The following KAT14 variants were observed in gnomAD, a reference collection of about 807,000 sequenced individuals.
The protein encoded by KAT14 is cysteine-rich protein 2-binding protein.
In KAT14, 66 loss-of-function variants were observed where a neutral mutation model predicts 78.4. The ratio of observed to expected loss-of-function variants is 0.84; its 90% CI spans 0.69 to 1.03. The LOEUF (loss-of-function observed/expected upper bound fraction) is 1.03, where lower values mean the gene tolerates loss of function less well. Ranked by LOEUF, KAT14 falls within the 50% of genes least tolerant of loss-of-function variation. KAT14 has a pLI of 0.00. For missense variants in KAT14, 870 were observed against 972.5 expected (o/e 0.89, Z 1.40); for synonymous variants, 344 against 359.4 (o/e 0.96, Z 0.48).
chr20:18,161,215 G>A (rs984753330), intron 5 of KAT14, among the ~76,000 whole-genome samples: 2 of 149,314 alleles, frequency 1.3e-5, no homozygotes, highest in Admixed American at 6.7e-5. Context: ...CCATGAAAAT[G>A]CCCATTTCCC....
chr20:18,162,972 C>A, intron 7 of KAT14, 27 bp downstream of exon 7: 2 of 1,604,802 alleles, frequency 1.2e-6, no homozygotes, highest in Non-Finnish European at 1.7e-6. Flanking sequence ...GCTGTAAAGC[C>A]CTTGGGGGCA....
chr20:18,141,964 A>G (rs1169857210), intron 1 of KAT14, among the ~76,000 whole-genome samples: 1 of 152,176 alleles, frequency 6.6e-6, no homozygotes, highest in East Asian at 1.9e-4. Flanking sequence ...TCTGTACTAA[A>G]TGTTCAGGAA....
intron 1 of KAT14, among the ~76,000 whole-genome samples, chr20:18,140,670 G>A (rs2146324921): frequency 6.6e-6 from 1 of 151,878 alleles, no homozygotes; most frequent in Non-Finnish European, 1.5e-5. Context: ...AAATTAGCCA[G>A]GCCTGGTGGC....
chr20:18,145,642 A>G (rs562116492), intron 3 of KAT14, among the ~76,000 whole-genome samples: 4 of 152,218 alleles, frequency 2.6e-5, no homozygotes, highest in Middle Eastern at 3.4e-3. Flanking sequence ...TTAGCTGGCT[A>G]TGGTGGTGGG....
Position 18,142,796 on chromosome 20 carries a change from G to C in KAT14, c.136G>C (p.Ala46Pro), listed in dbSNP as rs1568662223. 6.2e-7 allele frequency: 1 copy of C among 1,614,212 alleles called. No homozygotes were observed. Among genetic ancestry groups the C allele is most frequent in the Non-Finnish European group, 8.5e-7 (1 of 1,180,050 alleles). ...TLLIVESEDQASVDLSHDQSG... is the reference protein window; with the variant it reads ...TLLIVESEDQPSVDLSHDQSG... ...CCTGATCGTCGAATCCGAGGATCAGGCATCAGTGGACTTATCGCACGACCA... is the reference window on the plus strand; with the variant it reads ...CCTGATCGTCGAATCCGAGGATCAGCCATCAGTGGACTTATCGCACGACCA... Residue 46 changes from alanine to proline, a missense_variant, in exon 2 of 11, where the codon GCA (alanine) becomes CCA (proline). By Grantham distance (27) the Ala-to-Pro change is conservative. Transcript: ENST00000688188.
At chr20:18,165,156 T>G (rs2038594372) in intron 7 of KAT14, among the ~76,000 whole-genome samples, 1 of 152,202 alleles carries the variant, frequency 6.6e-6, no homozygotes, top group Admixed American at 6.5e-5. Context: ...CCACTTTGAC[T>G]TACAGTGTTA....
In KAT14 at chr20:18,161,852, A is replaced by G; in HGVS notation, c.712A>G (p.Thr238Ala). The G allele has an allele frequency of 6.2e-7, 1 of 1,614,012 alleles. No homozygotes were observed. Among genetic ancestry groups the G allele is most frequent in the Non-Finnish European group, 8.5e-7 (1 of 1,179,994 alleles). ...AAAACCAACTTTAGATCCCATCATTACTGTTGAGGGACTTAGAAAACGAGC... is the reference window on the plus strand; with the variant it reads ...AAAACCAACTTTAGATCCCATCATTGCTGTTGAGGGACTTAGAAAACGAGC... ...ASKPTLDPII[T>A]VEGLRKRASR... is the part of the protein sequence containing the mutation. The change falls in exon 6 of 11, where the codon ACT becomes GCT. Residue 238 changes from threonine to alanine, a missense_variant. By Grantham distance (58) the Thr-to-Ala change is moderately conservative. Coordinates refer to ENST00000688188, the MANE Select transcript of KAT14 (RefSeq NM_001392073.1).
chr20:18,144,389 C>T (rs2037738322), intron 2 of KAT14, among the ~76,000 whole-genome samples: 1 of 152,198 alleles, frequency 6.6e-6, no homozygotes, highest in African/African-American at 2.4e-5. Context: ...TCCCACACAA[C>T]TTTGCAGTTA....
intron 9 of KAT14, 63 bp downstream of exon 9, chr20:18,183,361 A>T: frequency 6.7e-7 from 1 of 1,488,994 alleles, no homozygotes; most frequent in Non-Finnish European, 8.9e-7. Context: ...AGCAATTTTT[A>T]AAATTAGTTT....
At chr20:18,148,208 C>T (rs568469640) in intron 3 of KAT14, among the ~76,000 whole-genome samples, 3 of 152,286 alleles carry the variant, frequency 2.0e-5, no homozygotes, top group South Asian at 4.1e-4. Flanking sequence ...ATGCTTGTAA[C>T]ACAAATAGCA....
intron 9 of KAT14, 55 bp from the exon 10 acceptor site, chr20:18,184,547 T>C (rs1367845094): frequency 1.9e-6 from 3 of 1,540,760 alleles, no homozygotes; most frequent in East Asian, 4.6e-5. Context: ...CAGCTTGGTG[T>C]TCCTTAATTC....
In KAT14 at chr20:18,184,315, G is replaced by A. The variant is rs557943668; in HGVS notation, c.1982-287G>A. Reference sequence around the variant, plus strand: ...AATGTGCCAAGCCACACATGGTAGAGGAGGCTGAGTTCAAAGCCAGCTGTG... The same window carrying A: ...AATGTGCCAAGCCACACATGGTAGAAGAGGCTGAGTTCAAAGCCAGCTGTG... On this transcript the variant is annotated intron_variant, in intron 9 of 10. Coordinates refer to ENST00000688188, the MANE Select transcript of KAT14 (RefSeq NM_001392073.1). Among the ~76,000 whole-genome samples, 4 of 152,216 alleles carry A rather than the reference G, an allele frequency of 2.6e-5. No individual in the cohort carries two copies. The South Asian group carries it at 6.2e-4, about 24-fold the overall frequency.
At chr20:18,164,776 T>C (rs1025632249) in intron 7 of KAT14, among the ~76,000 whole-genome samples, 2 of 151,728 alleles carry the variant, frequency 1.3e-5, no homozygotes, top group African/African-American at 4.8e-5. Flanking sequence ...ACTACCACAC[T>C]CAGCTAATTT....
chr20:18,163,215 G>GTC (rs748767069), intron 7 of KAT14, among the ~76,000 whole-genome samples: 67 of 152,012 alleles, frequency 4.4e-4, no homozygotes, highest in African/African-American at 1.4e-3. Context: ...TGTCTCTCTT[G>GTC]TCTCTCTCTC....
chr20:18,145,125 A>T, intron 2 of KAT14, 108 bp from the exon 3 acceptor site: 1 of 1,446,426 alleles, frequency 6.9e-7, no homozygotes, highest in Non-Finnish European at 9.1e-7. Flanking sequence ...TTGGCTGAAG[A>T]AAAGAAGACA....
chr20:18,141,455 G>C (rs1395358025), intron 1 of KAT14, among the ~76,000 whole-genome samples: 1 of 152,108 alleles, frequency 6.6e-6, no homozygotes, highest in Non-Finnish European at 1.5e-5. Context: ...AAGCCAAGTT[G>C]AGATTTTAGT....
Position 18,150,849 on chromosome 20 carries a change from C to A in KAT14, c.407C>A (p.Ser136Tyr). The part of the protein sequence containing the change: ...QVVMLAMYNL[S>Y]LEGSGRQGYF... ...GTCATGTTGGCAATGTACAACTTGT[C>A]TCTGGAAGGAAGTGGACGTCAAGGT... The change falls in exon 4 of 11, where the codon TCT (serine) becomes TAT (tyrosine). Residue 136 changes from serine to tyrosine, a missense_variant. Transcript: ENST00000688188. The A allele has an allele frequency of 1.9e-6, 3 of 1,613,982 alleles. No individual in the cohort carries two copies. The highest frequency in any genetic ancestry group is 1.1e-5 in the South Asian group (1 of 91,064).
At chr20:18,146,387 C>T (rs2037826242) in intron 3 of KAT14, among the ~76,000 whole-genome samples, 1 of 151,878 alleles carries the variant, frequency 6.6e-6, no homozygotes, top group African/African-American at 2.4e-5. Flanking sequence ...AGGCCAGGCG[C>T]GGTGGCTCAT....
Position 18,142,128 on chromosome 20 carries a change from CTG to C in KAT14, c.-453-78_-453-77del, listed in dbSNP as rs2037610238. On this transcript the variant is annotated intron_variant, in intron 1 of 10. Transcript: ENST00000688188. ...AAGTTTTAAGTATATTTTGGTAACA[CTG>C]TTATTTGGATTTGAATGGCACAAGG... The C allele has an allele frequency of 2.2e-6, 3 of 1,387,436 alleles. No homozygotes were observed. In the African/African-American group the frequency reaches 4.4e-5, roughly 20 times the overall value. The allele number at this position is 1,387,436 out of a possible 1,614,324, so 85.9% of individuals were successfully genotyped here.
Sources: allele counts gnomAD v4.1 joint callset (sites outside exome capture counted in the v4.1 genomes callset), GRCh38; gene constraint gnomAD v4.1.1; transcripts MANE v1.5; gene names NCBI Gene and HGNC (gene_info 2026-07-23, HGNC 2026-07-21).